The following DNAJB2 variants were observed in gnomAD, a reference collection of about 807,000 sequenced individuals.
DNAJB2 encodes dnaJ homolog subfamily B member 2.
DNAJB2 carries 19 observed loss-of-function variants against 33.3 expected under a neutral mutation model. The ratio of observed to expected loss-of-function variants is 0.57; its 90% CI spans 0.40 to 0.84. DNAJB2 has a LOEUF of 0.84. DNAJB2 is among the 40% of genes least tolerant of loss of function. The probability of loss-of-function intolerance (pLI) is 0.00; values close to 1 mark genes in which losing one functional copy is unlikely to be tolerated. For missense variants in DNAJB2, 368 were observed against 430.9 expected (o/e 0.85, Z 1.29); for synonymous variants, 172 against 164.6 (o/e 1.04, Z -0.34).
chr2:219,282,883 C>T lies in DNAJB2; in HGVS notation c.399C>T (p.His133=), dbSNP rs771873584. ...AGCTTCAGAACCGGGGTTCCCGACA[C>T]TCAGGCCCCTTCTTTACCTTCTCTT... The part of the protein sequence containing the change: ...FSELQNRGSR[H]SGPFFTFSSS... Residue 133 remains histidine, a synonymous_variant, in exon 6 of 9, where the codon CAC becomes CAT. Coordinates refer to ENST00000336576, the MANE Select transcript of DNAJB2 (RefSeq NM_006736.6). The T allele has an allele frequency of 5.0e-6, 8 of 1,607,614 alleles. No homozygotes were observed. The East Asian group carries it at 1.8e-4, about 36-fold the overall frequency.
rs1202835546 is a variant in DNAJB2, at chr2:219,280,663, G to A, written c.151G>A (p.Glu51Lys). 2 of 1,613,974 alleles carry A rather than the reference G, an allele frequency of 1.2e-6. No homozygotes were observed. The highest frequency in any genetic ancestry group is 1.7e-6 in the Non-Finnish European group (2 of 1,179,940). ...TGAGAAGAAATTTAAGGAGGTGGCC[G>A]AGGCATATGAAGTGCTGTCTGACAG... ...FAEKKFKEVA[E>K]AYEVLSDKHK... The change falls in exon 3 of 9, where the codon GAG (glutamate) becomes AAG (lysine). Residue 51 changes from glutamate to lysine, a missense_variant. Physicochemically the swap from Glu to Lys is moderately conservative, Grantham distance 56. Coordinates refer to ENST00000336576, the MANE Select transcript of DNAJB2 (RefSeq NM_006736.6).
chr2:219,284,272 G>A (rs1361618745), intron 8 of DNAJB2, among the ~76,000 whole-genome samples: 1 of 151,912 alleles, frequency 6.6e-6, no homozygotes, highest in African/African-American at 2.4e-5. Context: ...GTAGAGATGG[G>A]GTCTCACTAT....
At chr2:219,280,820 C>A (rs569311286) in intron 3 of DNAJB2, 133 bp downstream of exon 3, 29 of 678,600 alleles carry the variant, frequency 4.3e-5, no homozygotes, top group African/African-American at 7.2e-5. Flanking sequence ...TAAGCTCCCC[C>A]CTCCCACAGG....
intron 2 of DNAJB2, chr2:219,280,215 A>G: frequency 2.0e-6 from 1 of 510,688 alleles, no homozygotes; most frequent in Non-Finnish European, 3.5e-6. Context: ...GGGCATTCTC[A>G]GGCTGCAGTG....
intron 3 of DNAJB2, chr2:219,281,444 G>C: frequency 2.1e-6 from 1 of 473,884 alleles, no homozygotes; most frequent in Non-Finnish European, 3.8e-6. Context: ...GCACTGGTAG[G>C]CAGTTTACGT....
chr2:219,283,229 C>A lies in DNAJB2; in HGVS notation c.542C>A (p.Thr181Lys). 1 of 1,614,240 alleles carries A rather than the reference C, an allele frequency of 6.2e-7. No homozygotes were observed. The highest frequency in any genetic ancestry group is 8.5e-7 in the Non-Finnish European group (1 of 1,180,028). The change falls in exon 7 of 9, where the codon ACA becomes AAA. Residue 181 changes from threonine (T) to lysine (K), a missense_variant. Thr to Lys is a moderately conservative substitution (Grantham distance 78). Coordinates refer to ENST00000336576, the MANE Select transcript of DNAJB2 (RefSeq NM_006736.6). ...TTTGTCCAAGGACGCCGCATCACCA[C>A]ACGCAGGTGAGAGCTCCTTCTGGGG... ...TTFVQGRRIT[T>K]RRIMENGQER... is the part of the protein sequence containing the mutation.
rs1357690630 is a variant in DNAJB2, at chr2:219,279,898, C to A, written c.65C>A (p.Ala22Glu). The A allele has an allele frequency of 5.0e-6, 8 of 1,613,900 alleles. No homozygotes were observed. The highest frequency in any genetic ancestry group is 5.9e-6 in the Non-Finnish European group (7 of 1,179,950). ...RSASADDIKK[A>E]YRRKALQWHP... ...GCGTCCGCTGATGACATCAAGAAGG[C>A]GTAAGTGCCTCCGTATGCAACAGAA... The change falls in exon 2 of 9, where the codon GCG (alanine) becomes GAG (glutamate). Residue 22 changes from alanine to glutamate, a missense_variant and splice_region_variant. By Grantham distance (107) the Ala-to-Glu change is moderately radical (BLOSUM62 -1). Coordinates refer to ENST00000336576, the MANE Select transcript of DNAJB2 (RefSeq NM_006736.6). This position sits in a 1 kb window ranked among gnomAD's most constrained non-coding sequence, Gnocchi z 4.9.
At chr2:219,284,172 TC>T (rs1951932859) in intron 8 of DNAJB2, among the ~76,000 whole-genome samples, 2 of 152,140 alleles carry the variant, frequency 1.3e-5, no homozygotes, top group African/African-American at 4.8e-5. Flanking sequence ...CTCGACCTCC[TC>T]GGCTCAAGCA....
intron 8 of DNAJB2, 97 bp from the exon 9 acceptor site, chr2:219,284,535 G>A (rs1179551811): frequency 6.9e-6 from 10 of 1,439,016 alleles, no homozygotes; most frequent in Non-Finnish European, 9.3e-6. Context: ...TTCCAAATAA[G>A]AGACTCTAAG....
Position 219,282,054 on chromosome 2 carries a change from G to A in DNAJB2, c.345G>A (p.Glu115=), listed in dbSNP as rs541289584. Reference sequence around the variant, plus strand: ...TTGGGAGTGGAGACCCTTTTGCAGAGCTCTTTGGTGAGTGGACTCTGGAAG... The same window carrying A: ...TTGGGAGTGGAGACCCTTTTGCAGAACTCTTTGGTGAGTGGACTCTGGAAG... ...EFFGSGDPFA[E]LFDDLGPFSE... is the part of the protein sequence containing the mutation. Residue 115 remains glutamate (E), a synonymous_variant, in exon 5 of 9, where the codon GAG becomes GAA. Coordinates refer to ENST00000336576, the MANE Select transcript of DNAJB2 (RefSeq NM_006736.6). The A allele has an allele frequency of 1.9e-6, 3 of 1,614,144 alleles. No homozygotes were observed. The South Asian group carries it at 3.3e-5, about 18-fold the overall frequency.
intron 2 of DNAJB2, 110 bp from the exon 3 acceptor site, chr2:219,280,468 G>C (rs991879716): frequency 2.5e-5 from 19 of 773,866 alleles, no homozygotes; most frequent in Admixed American, 1.5e-4. Flanking sequence ...ACTGGGACCC[G>C]GGGGTGAAAG....
In DNAJB2 at chr2:219,279,819, G is replaced by T; in HGVS notation, c.-15G>T. 1.2e-6 allele frequency: 2 copies of T among 1,613,802 alleles called. No homozygotes were observed. The highest frequency in any genetic ancestry group is 2.2e-5 in the South Asian group (2 of 91,054). On this transcript the variant is annotated 5_prime_UTR_variant, in exon 2 of 9. Coordinates refer to ENST00000336576, the MANE Select transcript of DNAJB2 (RefSeq NM_006736.6). The surrounding 1 kb of genome is among the most constrained non-coding windows in gnomAD (Gnocchi z 4.9). ...GCAGCCCCAAGGAGGCCCGCCTGACGACTGACCAGTTGCCATGGCATCCTA... is the reference window on the plus strand; with the variant it reads ...GCAGCCCCAAGGAGGCCCGCCTGACTACTGACCAGTTGCCATGGCATCCTA...
In DNAJB2 at chr2:219,285,131, C is replaced by A. The variant is rs1951943683; in HGVS notation, c.*144C>A. ...ACAAGTTTCCCTCCCAGGCCCCCCA[C>A]ACCCCAGTGTGGACTTGGGATTTGC... On this transcript the variant is annotated 3_prime_UTR_variant, in exon 9 of 9. Coordinates refer to ENST00000336576, the MANE Select transcript of DNAJB2 (RefSeq NM_006736.6). The A allele has an allele frequency of 7.2e-7, 1 of 1,379,430 alleles. No homozygotes were observed. The highest frequency in any genetic ancestry group is 1.4e-5 in the African/African-American group (1 of 69,144). The allele number at this position is 1,379,430 out of a possible 1,614,324, so 85.4% of individuals were successfully genotyped here. A position where few individuals can be genotyped will look rare whatever the true frequency, so the allele number is the denominator to read the frequency against.
chr2:219,282,120 C>T (rs2125082460), intron 5 of DNAJB2, 59 bp downstream of exon 5: 7 of 1,613,624 alleles, frequency 4.3e-6, no homozygotes, highest in Middle Eastern at 1.7e-4. Context: ...CCTGTCCTTC[C>T]ATCAGCTGGG....
rs1216717974 is a variant in DNAJB2 at position 219,285,728 on chromosome 2, CCTCCCT to C, written c.*745_*750del. 2 of 1,262,922 alleles carry C rather than the reference CCTCCCT, an allele frequency of 1.6e-6. No individual in the cohort carries two copies. Among genetic ancestry groups the C allele is most frequent in the Non-Finnish European group, 1.0e-6 (1 of 999,210 alleles). 78.2% of individuals were successfully genotyped at this position (1,262,922 alleles called of 1,614,324 possible). A position where few individuals can be genotyped will look rare whatever the true frequency, so the allele number is the denominator to read the frequency against. The stretch of plus-strand genomic sequence containing the variant: ...AGATTCAGAACTGGAGCCCACTCCT[CCTCCCT>C]CTCGTTGCCTCAGCCTGCCCTCACC... On this transcript the variant is annotated 3_prime_UTR_variant, in exon 9 of 9. Coordinates refer to ENST00000336576, the MANE Select transcript of DNAJB2 (RefSeq NM_006736.6).
At chr2:219,280,542 T>A in intron 2 of DNAJB2, 36 bp from the exon 3 acceptor site, 1 of 1,552,582 alleles carries the variant, frequency 6.4e-7, no homozygotes, top group Non-Finnish European at 8.9e-7. Context: ...CCTGCATTTG[T>A]CCCCCGACTC....
In DNAJB2 at chr2:219,285,848, C is replaced by A; in HGVS notation, c.*861C>A. The A allele has an allele frequency of 6.8e-7, 1 of 1,476,812 alleles. No homozygotes were observed. Among genetic ancestry groups the A allele is most frequent in the Non-Finnish European group, 9.0e-7 (1 of 1,112,792 alleles). The allele number at this position is 1,476,812 out of a possible 1,614,324, so 91.5% of individuals were successfully genotyped here. On this transcript the variant is annotated 3_prime_UTR_variant, in exon 9 of 9. Transcript: ENST00000336576. ...CAGAGGGAGGCCTAGGAGGGGACTGCACCCATACTGCTTCCCTACCACAAA... is the reference window on the plus strand; with the variant it reads ...CAGAGGGAGGCCTAGGAGGGGACTGAACCCATACTGCTTCCCTACCACAAA...
At position 219,286,110 on chromosome 2, in the gene DNAJB2, C is replaced by T. The variant is rs1350973101; in HGVS notation, c.*1123C>T. 5.8e-5 allele frequency: 16 copies of T among 274,482 alleles called. No individual in the cohort carries two copies. In the Admixed American group the frequency reaches 6.5e-4, roughly 11 times the overall value. The allele number at this position is 274,482 out of a possible 1,614,324, so 17.0% of individuals were successfully genotyped here. On this transcript the variant is annotated 3_prime_UTR_variant, in exon 9 of 9. Coordinates refer to ENST00000336576, the MANE Select transcript of DNAJB2 (RefSeq NM_006736.6). ...CCCTCACCCATGCTGAGTGTAGAGCCGGGGCCTGGGTGGCGGGTGGGGGCC... is the reference window on the plus strand; with the variant it reads ...CCCTCACCCATGCTGAGTGTAGAGCTGGGGCCTGGGTGGCGGGTGGGGGCC...
chr2:219,285,935 C>T lies in DNAJB2; in HGVS notation c.*948C>T. On this transcript the variant is annotated 3_prime_UTR_variant, in exon 9 of 9. Coordinates refer to ENST00000336576, the MANE Select transcript of DNAJB2 (RefSeq NM_006736.6). Reference sequence around the variant, plus strand: ...TCTGCATGCTGAGCCCCATCCTCCACAGCTTGCCGCTGACGCTCTCTCCTG... The same window carrying T: ...TCTGCATGCTGAGCCCCATCCTCCATAGCTTGCCGCTGACGCTCTCTCCTG... The T allele has an allele frequency of 6.2e-7, 1 of 1,606,564 alleles. No homozygotes were observed. The highest frequency in any genetic ancestry group is 8.5e-7 in the Non-Finnish European group (1 of 1,178,178).
Sources: gnomAD v4.1 joint callset for allele counts (sites outside exome capture counted in the v4.1 genomes callset) on GRCh38, gnomAD v4.1.1 for gene constraint, Gnocchi (gnomAD v3.1) non-coding constraint, MANE v1.5 for transcripts, NCBI Gene and HGNC (gene_info 2026-07-23, HGNC 2026-07-21) for gene names.